Variants in DNAJC3 observed in about 807,000 individuals in gnomAD.
DNAJC3 encodes dnaJ homolog subfamily C member 3.
In DNAJC3, 38 loss-of-function variants were observed where a neutral mutation model predicts 68.6. That is an observed-to-expected ratio of 0.55 (90% CI 0.43 to 0.73). The LOEUF is 0.73. DNAJC3 is among the 30% of genes least tolerant of loss of function. DNAJC3 has a pLI of 0.00. For synonymous variants in DNAJC3, 203 were observed against 204.0 expected (o/e 1.00, Z 0.04); for missense variants, 526 against 591.9 (o/e 0.89, Z 1.16).
intron 1 of DNAJC3, among the ~76,000 whole-genome samples, chr13:95,705,845 A>G (rs1880724469): frequency 6.6e-6 from 1 of 152,134 alleles, no homozygotes; most frequent in Non-Finnish European, 1.5e-5. Context: ...GGCCACTAAT[A>G]GGTTTCTAAA....
intron 9 of DNAJC3, among the ~76,000 whole-genome samples, chr13:95,778,625 T>G (rs1883351054): frequency 6.6e-6 from 1 of 152,204 alleles, no homozygotes; most frequent in Non-Finnish European, 1.5e-5. Context: ...ACATGGAATA[T>G]CTAAAGTAGT....
At chr13:95,778,762 T>G (rs1487194681) in intron 9 of DNAJC3, among the ~76,000 whole-genome samples, 1 of 152,240 alleles carries the variant, frequency 6.6e-6, no homozygotes, top group African/African-American at 2.4e-5. Context: ...TTTAGAATTA[T>G]TTTTTAGTAA....
intron 4 of DNAJC3, among the ~76,000 whole-genome samples, chr13:95,740,580 G>T (rs958154351): frequency 2.0e-4 from 30 of 152,294 alleles, no homozygotes; most frequent in African/African-American, 6.5e-4. Flanking sequence ...TTTTCCAGGT[G>T]CTGTCCGTCA....
At chr13:95,760,860 T>C in intron 7 of DNAJC3, 62 bp downstream of exon 7, 1 of 1,572,754 alleles carries the variant, frequency 6.4e-7, no homozygotes. Flanking sequence ...TGGGCACAAG[T>C]GAACTACAGA....
intron 11 of DNAJC3, among the ~76,000 whole-genome samples, chr13:95,788,790 T>C (rs922635256): frequency 1.3e-5 from 2 of 152,214 alleles, no homozygotes; most frequent in African/African-American, 4.8e-5. Context: ...TTCACTACTG[T>C]TCTAAGTGCT....
chr13:95,724,077 G>T (rs2139642267), intron 3 of DNAJC3, among the ~76,000 whole-genome samples: 1 of 152,236 alleles, frequency 6.6e-6, no homozygotes, highest in South Asian at 2.1e-4. Context: ...TAGATATGGG[G>T]TGAATGTTTG....
At chr13:95,715,636 C>T (rs1009583139) in intron 2 of DNAJC3, among the ~76,000 whole-genome samples, 2 of 151,668 alleles carry the variant, frequency 1.3e-5, no homozygotes, top group African/African-American at 2.4e-5. Flanking sequence ...TATAGGCATG[C>T]GCCACCATGC....
intron 4 of DNAJC3, chr13:95,745,428 G>A (rs186359584): frequency 2.0e-5 from 3 of 152,314 alleles, no homozygotes; most frequent in Admixed American, 1.3e-4. Context: ...CTGCACATAT[G>A]CCTGTAATAA....
At chr13:95,709,422 A>G (rs1052875803) in intron 2 of DNAJC3, 85 bp downstream of exon 2, 3 of 940,568 alleles carry the variant, frequency 3.2e-6, no homozygotes, top group Non-Finnish European at 4.7e-6. Flanking sequence ...CATTTAAAAT[A>G]AACATTATTT....
chr13:95,743,064 C>T (rs1467039976), intron 4 of DNAJC3: 1 of 357,954 alleles, frequency 2.8e-6, no homozygotes, highest in Non-Finnish European at 5.4e-6. Context: ...TGCTTTTGCA[C>T]CTTATTCAAA....
At chr13:95,777,728 G>A (rs1210124703) in intron 9 of DNAJC3, among the ~76,000 whole-genome samples, 1 of 152,084 alleles carries the variant, frequency 6.6e-6, no homozygotes. Context: ...ATAATGGTAG[G>A]ATACTTCAGT....
chr13:95,741,741 G>A (rs980992308), intron 4 of DNAJC3, among the ~76,000 whole-genome samples: 1 of 152,180 alleles, frequency 6.6e-6, no homozygotes, highest in African/African-American at 2.4e-5. Context: ...GGCCACAGGT[G>A]GTGTGTCCTG....
At position 95,786,023 on chromosome 13, in the gene DNAJC3, T is replaced by G; in HGVS notation, c.1160T>G (p.Leu387Trp). 2 of 1,611,468 alleles carry G rather than the reference T, an allele frequency of 1.2e-6. No homozygotes were observed. The highest frequency in any genetic ancestry group is 1.3e-5 in the African/African-American group (1 of 74,936). The change falls in exon 10 of 12, where the codon TTG (leucine) becomes TGG (tryptophan). Residue 387 changes from leucine to tryptophan, a missense_variant. Coordinates refer to ENST00000602402, the MANE Select transcript of DNAJC3 (RefSeq NM_006260.5). The part of the protein sequence containing the change: ...REGLEKAQRL[L>W]KQSQKRDYYK... ...GGTCTAGAGAAAGCACAAAGATTAT[T>G]GAAACAGTCGCAGAAACGAGATTAT...
chr13:95,687,219 G>A (rs995620555), intron 1 of DNAJC3, among the ~76,000 whole-genome samples: 8 of 152,084 alleles, frequency 5.3e-5, no homozygotes, highest in African/African-American at 1.4e-4. Flanking sequence ...TTATACCATG[G>A]TTTTGTATAC....
In DNAJC3 at chr13:95,687,945, A is replaced by C. The variant is rs1471480446; in HGVS notation, c.82+10608A>C. Among the ~76,000 whole-genome samples the C allele has an allele frequency of 2.0e-5, 3 of 152,176 alleles. No homozygotes were observed. The East Asian group carries it at 5.8e-4, about 29-fold the overall frequency. ...TTTCCATTTGCTTGTGTCATGTATG[A>C]CTACTTTGAGCAGTGTTTAATAGTT... is the stretch of plus-strand genomic sequence containing the variant. On this transcript the variant is annotated intron_variant, in intron 1 of 11. Coordinates refer to ENST00000602402, the MANE Select transcript of DNAJC3 (RefSeq NM_006260.5).
intron 4 of DNAJC3, among the ~76,000 whole-genome samples, chr13:95,732,235 A>G (rs1395573003): frequency 6.6e-6 from 1 of 152,076 alleles, no homozygotes; most frequent in East Asian, 1.9e-4. Flanking sequence ...TTTTTGTAAT[A>G]ATTTGAGGAG....
chr13:95,709,937 C>T (rs1209315604), intron 2 of DNAJC3, among the ~76,000 whole-genome samples: 1 of 152,186 alleles, frequency 6.6e-6, no homozygotes, highest in African/African-American at 2.4e-5. Flanking sequence ...CTGCGCCCGG[C>T]CAGCTTCTGA....
At chr13:95,738,953 G>A (rs1475000173) in intron 4 of DNAJC3, among the ~76,000 whole-genome samples, 9 of 151,896 alleles carry the variant, frequency 5.9e-5, no homozygotes, top group South Asian at 2.1e-4. Context: ...ATTTTGCAGC[G>A]GCTGGTACTG....
chr13:95,686,880 T>C (rs912717313), intron 1 of DNAJC3, among the ~76,000 whole-genome samples: 1 of 152,232 alleles, frequency 6.6e-6, no homozygotes, highest in African/African-American at 2.4e-5. Flanking sequence ...TGGTGCTGTA[T>C]GGACTTTAGA....
Sources: allele counts gnomAD v4.1 joint callset (sites outside exome capture counted in the v4.1 genomes callset), GRCh38; gene constraint gnomAD v4.1.1; transcripts MANE v1.5; gene names NCBI Gene and HGNC (gene_info 2026-07-23, HGNC 2026-07-21).